The following TRAPPC11 variants were observed in gnomAD, a reference collection of about 807,000 sequenced individuals.
The protein encoded by TRAPPC11 is foie gras homolog.
A neutral mutation model predicts 151.2 loss-of-function variants in TRAPPC11; 104 were observed. The ratio of observed to expected loss-of-function variants is 0.69; its 90% CI spans 0.59 to 0.81. The LOEUF (loss-of-function observed/expected upper bound fraction) is 0.81. Among genes scored for constraint, TRAPPC11 ranks in the 30% least tolerant of loss-of-function variants. TRAPPC11 has a pLI of 0.00. For synonymous variants in TRAPPC11, 456 were observed against 472.3 expected, an observed-to-expected ratio of 0.97 and a Z score of 0.45; for missense variants, 1,230 against 1,349.6, an observed-to-expected ratio of 0.91 and a Z score of 1.39.
At chr4:183,681,511 T>C (rs1735688815) in intron 10 of TRAPPC11, among the ~76,000 whole-genome samples, 1 of 152,206 alleles carries the variant, frequency 6.6e-6, no homozygotes, top group Non-Finnish European at 1.5e-5. Flanking sequence ...CCGGGTGCGG[T>C]GGCTCACGCC....
intron 15 of TRAPPC11, 34 bp downstream of exon 15, chr4:183,684,875 A>G (rs554102856): frequency 4.4e-6 from 7 of 1,581,620 alleles, no homozygotes; most frequent in Non-Finnish European, 6.0e-6. Context: ...AATTCTTGAT[A>G]CATAAAATTA....
chr4:183,706,186 T>C (rs1737056690), intron 27 of TRAPPC11, among the ~76,000 whole-genome samples: 1 of 152,202 alleles, frequency 6.6e-6, no homozygotes, highest in Admixed American at 6.5e-5. Flanking sequence ...TATTCTAGTT[T>C]AGGAACCATG....
chr4:183,697,833 A>G lies in TRAPPC11; in HGVS notation c.2849A>G (p.Asn950Ser), dbSNP rs202170132. 1.6e-5 allele frequency: 26 copies of G among 1,613,410 alleles called. No individual in the cohort carries two copies. Among genetic ancestry groups the G allele is most frequent in the Middle Eastern group, 1.7e-4 (1 of 5,722 alleles). The change falls in exon 25 of 30, where the codon AAT (asparagine) becomes AGT (serine). Residue 950 changes from asparagine (N) to serine (S), a missense_variant and splice_region_variant. Physicochemically the swap from Asn to Ser is conservative, Grantham distance 46. Coordinates refer to ENST00000334690, the MANE Select transcript of TRAPPC11 (RefSeq NM_021942.6). ...GACCAGCTCGAGTCTCAAGTGGACA[A>G]TGGTGAGTCTGGTTCATTCCCACTT... Reference protein sequence around the residue: ...TVDQLESQVDNVILQTGESAS... With the variant: ...TVDQLESQVDSVILQTGESAS...
At chr4:183,680,088 C>T in intron 9 of TRAPPC11, 32 bp from the exon 10 acceptor site, 1 of 1,573,322 alleles carries the variant, frequency 6.4e-7, no homozygotes, top group Admixed American at 1.8e-5. Flanking sequence ...TCTTTTCATT[C>T]CTCTTTATTT....
At chr4:183,672,610 C>G (rs1030821649) in intron 5 of TRAPPC11, among the ~76,000 whole-genome samples, 5 of 152,212 alleles carry the variant, frequency 3.3e-5, no homozygotes, top group African/African-American at 9.6e-5. Context: ...CACTTATGCT[C>G]TATCCCGTGA....
chr4:183,709,991 T>TA (rs1189279065), intron 29 of TRAPPC11, among the ~76,000 whole-genome samples: 2 of 152,176 alleles, frequency 1.3e-5, no homozygotes, highest in Non-Finnish European at 2.9e-5. Context: ...CTTTAGCTGT[T>TA]AGACTTTTTG....
chr4:183,667,063 A>G lies in TRAPPC11; in HGVS notation c.378A>G (p.Gln126=). Residue 126 remains glutamine (Q), a synonymous_variant, in exon 4 of 30, where the codon CAA becomes CAG. Coordinates refer to ENST00000334690, the MANE Select transcript of TRAPPC11 (RefSeq NM_021942.6). ...ECATRVEIVR[Q]SLQGRNTKVA... ...TATTCTTGCTTTTTCATTGCAGGCAAAGTTTACAAGGAAGAAACACAAAAG... is the reference window on the plus strand; with the variant it reads ...TATTCTTGCTTTTTCATTGCAGGCAGAGTTTACAAGGAAGAAACACAAAAG... 6.3e-7 allele frequency: 1 copy of G among 1,590,966 alleles called. No individual in the cohort carries two copies. The highest frequency in any genetic ancestry group is 8.6e-7 in the Non-Finnish European group (1 of 1,164,808).
At chr4:183,663,067 A>G (rs1267611296) in intron 1 of TRAPPC11, among the ~76,000 whole-genome samples, 1 of 151,510 alleles carries the variant, frequency 6.6e-6, no homozygotes, top group Non-Finnish European at 1.5e-5. Flanking sequence ...TGATTATTTT[A>G]TTTATTTTAT....
At chr4:183,694,143 CT>C in intron 22 of TRAPPC11, 105 bp downstream of exon 22, 2 of 1,211,300 alleles carry the variant, frequency 1.7e-6, no homozygotes, top group Non-Finnish European at 2.3e-6. Flanking sequence ...TATTCTAGGA[CT>C]GAAAAAGTGA....
At chr4:183,675,143 A>G (rs778881988) in intron 6 of TRAPPC11, 21 bp from the exon 7 acceptor site, 4 of 1,341,240 alleles carry the variant, frequency 3.0e-6, no homozygotes, top group Non-Finnish European at 3.0e-6. Flanking sequence ...GTATAATAGT[A>G]ATTTTTTTGT....
At chr4:183,666,755 A>T in intron 3 of TRAPPC11, 1 of 391,922 alleles carries the variant, frequency 2.6e-6, no homozygotes, top group Non-Finnish European at 4.5e-6. Context: ...ATTCTTTTGG[A>T]TGACTACTCT....
chr4:183,697,697 G>A lies in TRAPPC11; in HGVS notation c.2713G>A (p.Val905Ile), dbSNP rs774067664. Reference sequence around the variant, plus strand: ...GTGACAGTTTGAGCACCTGGAAAGGGTTTATGCTGACATCCCCTTTCTGTT... The same window carrying A: ...GTGACAGTTTGAGCACCTGGAAAGGATTTATGCTGACATCCCCTTTCTGTT... ...VSTKFEHLER[V>I]YADIPFLLMT... Residue 905 changes from valine to isoleucine, a missense_variant, in exon 25 of 30, where the codon GTT becomes ATT. Physicochemically the swap from Val to Ile is conservative, Grantham distance 29. Coordinates refer to ENST00000334690, the MANE Select transcript of TRAPPC11 (RefSeq NM_021942.6). The A allele has an allele frequency of 6.2e-7, 1 of 1,614,138 alleles. No individual in the cohort carries two copies. The highest frequency in any genetic ancestry group is 1.1e-5 in the South Asian group (1 of 91,082).
intron 26 of TRAPPC11, 80 bp downstream of exon 26, chr4:183,701,888 T>C (rs1252807798): frequency 3.1e-6 from 3 of 971,990 alleles, no homozygotes; most frequent in Non-Finnish European, 4.9e-6. Context: ...TGTCACTTAA[T>C]ATTTGAGAGT....
At position 183,712,767 on chromosome 4, in the gene TRAPPC11, T is replaced by G; in HGVS notation, c.*123T>G. The G allele has an allele frequency of 1.1e-6, 1 of 882,982 alleles. No individual in the cohort carries two copies. The highest frequency in any genetic ancestry group is 1.8e-6 in the Non-Finnish European group (1 of 550,024). The allele number at this position is 882,982 out of a possible 1,614,324, so 54.7% of individuals were successfully genotyped here. ...AACCTTTTCTATTTTTTAATGGATG[T>G]TATACCAACTATTCAGAGGAACTCA... On this transcript the variant is annotated 3_prime_UTR_variant, in exon 30 of 30. Coordinates refer to ENST00000334690, the MANE Select transcript of TRAPPC11 (RefSeq NM_021942.6).
At chr4:183,694,802 TA>T in intron 23 of TRAPPC11, 79 bp downstream of exon 23, 1 of 1,061,742 alleles carries the variant, frequency 9.4e-7, no homozygotes, top group South Asian at 1.5e-5. Flanking sequence ...ACCTATAAAA[TA>T]AGCATAAAAT....
intron 2 of TRAPPC11, among the ~76,000 whole-genome samples, chr4:183,666,038 T>G (rs1369662507): frequency 6.6e-6 from 1 of 151,894 alleles, no homozygotes; most frequent in East Asian, 1.9e-4. Context: ...ACTCTTTGGC[T>G]TCAGTCATTC....
rs1464145214 is a variant in TRAPPC11 at position 183,675,226 on chromosome 4, A to G, written c.723A>G (p.Gln241=). 6.5e-7 allele frequency: 1 copy of G among 1,540,294 alleles called. No homozygotes were observed. Among genetic ancestry groups the G allele is most frequent in the Non-Finnish European group, 8.8e-7 (1 of 1,141,380 alleles). Residue 241 remains glutamine (Q), a synonymous_variant, in exon 7 of 30, where the codon CAA becomes CAG. Transcript: ENST00000334690. The stretch of plus-strand genomic sequence containing the variant: ...TCAGTGAGTTGAAACAAGATACACA[A>G]AATGCGCTGAAGTAAGTTAAGCTTT... ...AFFSELKQDT[Q]NALKNYRTAY...
intron 27 of TRAPPC11, among the ~76,000 whole-genome samples, chr4:183,706,453 G>A (rs533255848): frequency 1.1e-4 from 17 of 152,040 alleles, no homozygotes; most frequent in Middle Eastern, 6.8e-3. Context: ...AACCCGGGAG[G>A]CGGAGCTTGC....
At chr4:183,702,103 G>A (rs921315625) in intron 26 of TRAPPC11, among the ~76,000 whole-genome samples, 2 of 152,276 alleles carry the variant, frequency 1.3e-5, no homozygotes, top group Middle Eastern at 3.4e-3. Flanking sequence ...CAGCACTTTC[G>A]TAGACCTAGG....
Sources: allele counts gnomAD v4.1 joint callset (sites outside exome capture counted in the v4.1 genomes callset), GRCh38; gene constraint gnomAD v4.1.1; transcripts MANE v1.5; gene names NCBI Gene and HGNC (gene_info 2026-07-23, HGNC 2026-07-21).